CHRNA7: variants seen among roughly 807,000 people sequenced by gnomAD.
The protein encoded by CHRNA7 is cholinergic receptor nicotinic alpha 7 subunit.
In CHRNA7, 17 loss-of-function variants were observed where a neutral mutation model predicts 48.0. The ratio of observed to expected loss-of-function variants is 0.35; its 90% CI spans 0.24 to 0.53. CHRNA7 has a LOEUF of 0.53. Ranked by LOEUF, CHRNA7 falls within the 20% of genes least tolerant of loss-of-function variation. The probability of loss-of-function intolerance (pLI) is 0.92; values close to 1 mark genes in which losing one functional copy is unlikely to be tolerated. For synonymous variants in CHRNA7, 75 were observed against 242.3 expected (o/e 0.31, Z 6.41); for missense variants, 155 against 577.7 (o/e 0.27, Z 7.50).
chr15:32,059,242 G>T (rs965255934), intron 2 of CHRNA7, among the ~76,000 whole-genome samples: 1 of 152,268 alleles, frequency 6.6e-6, no homozygotes, highest in African/African-American at 2.4e-5. Flanking sequence ...GACGTCAGGT[G>T]ATGTGCCCGC....
intron 4 of CHRNA7, among the ~76,000 whole-genome samples, chr15:32,129,231 A>AT (rs1309585694): frequency 6.6e-6 from 1 of 151,630 alleles, no homozygotes; most frequent in Non-Finnish European, 1.5e-5. Flanking sequence ...CATTTTATAA[A>AT]TTTTTTCTAC....
At chr15:32,116,115 C>T (rs1292955066) in intron 4 of CHRNA7, among the ~76,000 whole-genome samples, 1 of 152,164 alleles carries the variant, frequency 6.6e-6, no homozygotes, top group Non-Finnish European at 1.5e-5. Flanking sequence ...TCATTATGGT[C>T]TGAATGGAGT....
intron 4 of CHRNA7, among the ~76,000 whole-genome samples, chr15:32,143,367 C>T (rs1005950833): frequency 2.0e-5 from 3 of 152,114 alleles, no homozygotes; most frequent in Non-Finnish European, 4.4e-5. Context: ...AGAATAAGTG[C>T]AATGTGGTGC....
At chr15:32,105,140 T>C (rs139789273) in intron 3 of CHRNA7, among the ~76,000 whole-genome samples, 5 of 152,306 alleles carry the variant, frequency 3.3e-5, no homozygotes, top group African/African-American at 9.6e-5. Context: ...TAATTAAGGC[T>C]TACATTTGCA....
At chr15:32,079,119 T>C (rs1184027597) in intron 2 of CHRNA7, among the ~76,000 whole-genome samples, 1 of 152,180 alleles carries the variant, frequency 6.6e-6, no homozygotes, top group Non-Finnish European at 1.5e-5. Flanking sequence ...TGTTAAAAAC[T>C]CTCAATAAAC....
At chr15:32,033,635 C>A (rs1372128968) in intron 2 of CHRNA7, among the ~76,000 whole-genome samples, 2 of 152,216 alleles carry the variant, frequency 1.3e-5, no homozygotes, top group African/African-American at 2.4e-5. Flanking sequence ...TGTATTCCAG[C>A]CTTACTTGGC....
intron 2 of CHRNA7, among the ~76,000 whole-genome samples, chr15:32,092,209 CCTTT>C (rs2050395495): frequency 6.6e-6 from 1 of 152,142 alleles, no homozygotes; most frequent in Non-Finnish European, 1.5e-5. Context: ...CTGTTTTGTT[CCTTT>C]CTGTTTCTCA....
At chr15:32,065,520 A>G (rs547995013) in intron 2 of CHRNA7, among the ~76,000 whole-genome samples, 25 of 152,384 alleles carry the variant, frequency 1.6e-4, no homozygotes, top group African/African-American at 5.8e-4. Context: ...TGAGGAAGAT[A>G]ATAAGCTATA....
At chr15:32,137,235 G>A (rs2051286103) in intron 4 of CHRNA7, among the ~76,000 whole-genome samples, 1 of 151,708 alleles carries the variant, frequency 6.6e-6, no homozygotes, top group African/African-American at 2.4e-5. Context: ...ACGATAGACT[G>A]TTTAGATGAA....
At chr15:32,052,443 G>A (rs1336546376) in intron 2 of CHRNA7, among the ~76,000 whole-genome samples, 5 of 152,078 alleles carry the variant, frequency 3.3e-5, no homozygotes, top group African/African-American at 7.2e-5. Flanking sequence ...TAAGTTAGAT[G>A]GAAGAGGCCA....
intron 2 of CHRNA7, among the ~76,000 whole-genome samples, chr15:32,082,060 A>G (rs1020823033): frequency 6.6e-6 from 1 of 152,178 alleles, no homozygotes; most frequent in African/African-American, 2.4e-5. Context: ...TTTCCAATGA[A>G]TAATACTTTG....
chr15:32,043,528 T>G (rs2049484673), intron 2 of CHRNA7, among the ~76,000 whole-genome samples: 1 of 152,132 alleles, frequency 6.6e-6, no homozygotes, highest in Non-Finnish European at 1.5e-5. Context: ...TTTCTTTCTT[T>G]TTGTCTTACA....
chr15:32,072,884 G>C (rs879506379), intron 2 of CHRNA7, among the ~76,000 whole-genome samples: 5 of 152,226 alleles, frequency 3.3e-5, no homozygotes, highest in Non-Finnish European at 7.3e-5. Context: ...TGGGTGCCCA[G>C]GTGGAAGCCT....
intron 4 of CHRNA7, among the ~76,000 whole-genome samples, chr15:32,115,226 C>T (rs1047209902): frequency 2.0e-5 from 3 of 152,134 alleles, no homozygotes; most frequent in Non-Finnish European, 4.4e-5. Flanking sequence ...CACTAGTGAT[C>T]ACAGCTAAGG....
At chr15:32,042,045 T>C (rs2049458333) in intron 2 of CHRNA7, among the ~76,000 whole-genome samples, 1 of 152,246 alleles carries the variant, frequency 6.6e-6, no homozygotes, top group Non-Finnish European at 1.5e-5. Flanking sequence ...TGTTTGTTTT[T>C]TGCCTTTTAG....
At chr15:32,075,825 GC>G (rs533749472) in intron 2 of CHRNA7, among the ~76,000 whole-genome samples, 74 of 150,674 alleles carry the variant, frequency 4.9e-4, no homozygotes, top group African/African-American at 1.2e-3. Flanking sequence ...TCTCATATAT[GC>G]ATTTATTATT....
At chr15:32,043,748 T>C (rs2081245165) in intron 2 of CHRNA7, among the ~76,000 whole-genome samples, 2 of 118,944 alleles carry the variant, frequency 1.7e-5, no homozygotes, top group South Asian at 7.0e-4. Flanking sequence ...TCTTTTAGAT[T>C]TACTCGTATA....
intron 3 of CHRNA7, among the ~76,000 whole-genome samples, chr15:32,107,435 C>T (rs1288020005): frequency 1.3e-5 from 2 of 150,110 alleles, no homozygotes; most frequent in African/African-American, 4.9e-5. Flanking sequence ...AAATAATATA[C>T]AAACTTATTT....
rs1334728071 is a variant in CHRNA7, at chr15:32,048,321, G to A, written c.195+17284G>A. On this transcript the variant is annotated intron_variant, in intron 2 of 9. Coordinates refer to ENST00000306901, the MANE Select transcript of CHRNA7 (RefSeq NM_000746.6). ...GTCCTGGACTCTTTCTGGTTGGTAA[G>A]CTATTGATTATTGCCACAATTTCAG... 3.9e-5 allele frequency among the ~76,000 whole-genome samples: 6 copies of A among 152,290 alleles called. No individual in the cohort carries two copies. In the South Asian group the frequency reaches 1.2e-3, roughly 32 times the overall value.
Sources: allele counts gnomAD v4.1 joint callset (sites outside exome capture counted in the v4.1 genomes callset), GRCh38; gene constraint gnomAD v4.1.1; transcripts MANE v1.5; gene names NCBI Gene and HGNC (gene_info 2026-07-23, HGNC 2026-07-21).